The following NUP93 variants were observed in gnomAD, a reference collection of about 807,000 sequenced individuals.
NUP93 encodes the protein nuclear pore complex protein Nup93.
NUP93 carries 55 observed loss-of-function variants against 107.8 expected under a neutral mutation model. The observed-to-expected ratio is 0.51, with a 90% CI of 0.41 to 0.64. The LOEUF (loss-of-function observed/expected upper bound fraction) is 0.64, where lower values mean the gene tolerates loss of function less well. Among genes scored for constraint, NUP93 ranks in the 30% least tolerant of loss-of-function variants. The pLI is 0.00. For synonymous variants in NUP93, 390 were observed against 397.5 expected, an observed-to-expected ratio of 0.98 and a Z score of 0.22; for missense variants, 937 against 1,044.7, an observed-to-expected ratio of 0.90 and a Z score of 1.42.
rs556343801 is a variant in NUP93, at chr16:56,808,100, C to A, written c.489+2468C>A. On this transcript the variant is annotated intron_variant, in intron 5 of 21. Transcript: ENST00000308159. ...ATATAAAAATATATAAATATACACACACATATAAATATATATTATATAACT... is the reference window on the plus strand; with the variant it reads ...ATATAAAAATATATAAATATACACAAACATATAAATATATATTATATAACT... 1.8e-4 allele frequency among the ~76,000 whole-genome samples: 23 copies of A among 126,548 alleles called. 1 individual carries two copies. In the East Asian group the frequency reaches 4.8e-3, roughly 27 times the overall value. The allele number at this position is 126,548 out of a possible 152,430, so 83.0% of individuals were successfully genotyped here.
In NUP93 at chr16:56,760,771, G is replaced by A. The variant is rs141602168; in HGVS notation, c.297+2116G>A. 1.4e-4 allele frequency among the ~76,000 whole-genome samples: 22 copies of A among 152,186 alleles called. No homozygotes were observed. The South Asian group carries it at 4.4e-3, about 30-fold the overall frequency. On this transcript the variant is annotated intron_variant, in intron 3 of 21. Coordinates refer to ENST00000308159, the MANE Select transcript of NUP93 (RefSeq NM_014669.5). The stretch of plus-strand genomic sequence containing the variant: ...TGGCAGAGACATGTATTCAAACTAC[G>A]TTACTCTGTCTCTACAAAGATAAAA...
intron 1 of NUP93, among the ~76,000 whole-genome samples, chr16:56,739,692 C>T: frequency 7.3e-6 from 1 of 136,320 alleles, no homozygotes; most frequent in African/African-American, 2.9e-5. Context: ...CCACCTCCCT[C>T]CCGGACGGGG....
intron 1 of NUP93, among the ~76,000 whole-genome samples, chr16:56,737,996 CT>C (rs1337577698): frequency 2.0e-5 from 3 of 152,248 alleles, no homozygotes; most frequent in African/African-American, 7.2e-5. Context: ...TGATCTGCCC[CT>C]GTTTATGCTA....
intron 5 of NUP93, among the ~76,000 whole-genome samples, chr16:56,808,739 A>AC (rs1489759433): frequency 7.0e-6 from 1 of 142,096 alleles, no homozygotes; most frequent in Non-Finnish European, 1.5e-5. Flanking sequence ...ACATATATAA[A>AC]ATACATATAT....
chr16:56,843,023 G>A (rs1326476234), intron 21 of NUP93, among the ~76,000 whole-genome samples: 1 of 152,190 alleles, frequency 6.6e-6, no homozygotes, highest in Non-Finnish European at 1.5e-5. Context: ...TGACCCCACA[G>A]GCATGGTTGT....
rs149714368 is a variant in NUP93, at chr16:56,830,544, G to C, written c.944G>C (p.Gly315Ala). The C allele has an allele frequency of 1.4e-5, 23 of 1,589,228 alleles. No homozygotes were observed. The highest frequency in any genetic ancestry group is 4.0e-5 in the African/African-American group (3 of 74,580). The stretch of plus-strand genomic sequence containing the variant: ...CTCTTTTAGGATGGAGAGGTGGAAG[G>C]CCATCCTGTGTGGGCGCTAATTTAC... ...LPGLQDGEVE[G>A]HPVWALIYYC... Residue 315 changes from glycine to alanine, a missense_variant, in exon 10 of 22, where the codon GGC becomes GCC. By Grantham distance (60) the Gly-to-Ala change is moderately conservative. Transcript: ENST00000308159.
intron 3 of NUP93, among the ~76,000 whole-genome samples, chr16:56,767,319 G>T (rs781435375): frequency 5.9e-5 from 9 of 152,220 alleles, no homozygotes; most frequent in Non-Finnish European, 1.2e-4. Flanking sequence ...GCAGGGCTGG[G>T]CGTGACACAG....
rs570905735 is a variant in NUP93, at chr16:56,795,116, C to CA, written c.298-3360_298-3359insA. On this transcript the variant is annotated intron_variant, in intron 3 of 21. Transcript: ENST00000308159. The stretch of plus-strand genomic sequence containing the variant: ...TGTGAGGCAGTGGTAATCCCCTCCC[C>CA]TCTCCCCCACTACCCCCAAACGTAG... Among the ~76,000 whole-genome samples, 303 of 151,952 alleles carry CA rather than the reference C, an allele frequency of 2.0e-3. 1 individual carries two copies. The highest frequency in any genetic ancestry group is 6.9e-3 in the African/African-American group (287 of 41,436).
intron 1 of NUP93, among the ~76,000 whole-genome samples, chr16:56,732,498 G>C (rs1008390156): frequency 1.3e-5 from 2 of 152,210 alleles, no homozygotes; most frequent in Non-Finnish European, 2.9e-5. Context: ...TTTGAATAGA[G>C]ACCTGCTTGA....
chr16:56,846,058 G>T lies in NUP93; in HGVS notation c.*1449G>T, dbSNP rs1453709827. Reference sequence around the variant, plus strand: ...TGCAGAGGCCTTGATTTAGCAAGTTGTGCCCTGCTTATATGTGCTGATTTA... The same window carrying T: ...TGCAGAGGCCTTGATTTAGCAAGTTTTGCCCTGCTTATATGTGCTGATTTA... On this transcript the variant is annotated 3_prime_UTR_variant, in exon 22 of 22. Transcript: ENST00000308159. 1 of 152,154 alleles carries T rather than the reference G, an allele frequency of 6.6e-6. No homozygotes were observed. Among genetic ancestry groups the T allele is most frequent in the Non-Finnish European group, 1.5e-5 (1 of 68,042 alleles). 9.4% of individuals were successfully genotyped at this position (152,154 alleles called of 1,614,324 possible). A position where few individuals can be genotyped will look rare whatever the true frequency, so the allele number is the denominator to read the frequency against.
chr16:56,815,871 G>GCTA (rs1395878272), intron 5 of NUP93, among the ~76,000 whole-genome samples: 1 of 141,380 alleles, frequency 7.1e-6, no homozygotes, highest in African/African-American at 2.9e-5. Flanking sequence ...TGCTACTGCT[G>GCTA]CTGCTGCTGC....
At chr16:56,808,210 TA>T (rs1472755694) in intron 5 of NUP93, among the ~76,000 whole-genome samples, 1 of 118,414 alleles carries the variant, frequency 8.4e-6, no homozygotes, top group African/African-American at 3.4e-5. Context: ...ATAAAATATA[TA>T]GTTATGTAAC....
At chr16:56,820,730 A>G (rs975693344) in intron 6 of NUP93, among the ~76,000 whole-genome samples, 44 of 152,298 alleles carry the variant, frequency 2.9e-4, no homozygotes, top group African/African-American at 1.0e-3. Context: ...CATCACTACT[A>G]TGGGAGAGCA....
At chr16:56,768,343 C>T (rs967641291) in intron 3 of NUP93, among the ~76,000 whole-genome samples, 4 of 151,324 alleles carry the variant, frequency 2.6e-5, no homozygotes, top group Non-Finnish European at 5.9e-5. Context: ...GTGGGTGGAT[C>T]ACCTGAGGTC....
At position 56,763,503 on chromosome 16, in the gene NUP93, G is replaced by T. The variant is rs372714047; in HGVS notation, c.297+4848G>T. 2.3e-4 allele frequency among the ~76,000 whole-genome samples: 34 copies of T among 150,236 alleles called. No homozygotes were observed. In the South Asian group the frequency reaches 3.2e-3, roughly 14 times the overall value. ...CTGCTTGTGTGTGTGTGTGTGGGTG[G>T]GTGTGTGTGTGTATGTGTGGGTGTG... is the stretch of plus-strand genomic sequence containing the variant. On this transcript the variant is annotated intron_variant, in intron 3 of 21. Coordinates refer to ENST00000308159, the MANE Select transcript of NUP93 (RefSeq NM_014669.5).
At chr16:56,758,991 T>A (rs1279649439) in intron 3 of NUP93, among the ~76,000 whole-genome samples, 1 of 152,242 alleles carries the variant, frequency 6.6e-6, no homozygotes. Context: ...TTGCTAGATC[T>A]CAAATAATTT....
At chr16:56,844,141 A>G (rs1964077567) in intron 21 of NUP93, among the ~76,000 whole-genome samples, 1 of 152,204 alleles carries the variant, frequency 6.6e-6, no homozygotes, top group Non-Finnish European at 1.5e-5. Flanking sequence ...GAAACCAGCC[A>G]GAGAGAGAGG....
At chr16:56,739,744 G>A (rs1961683463) in intron 1 of NUP93, among the ~76,000 whole-genome samples, 3 of 120,988 alleles carry the variant, frequency 2.5e-5, no homozygotes, top group East Asian at 3.2e-4. Flanking sequence ...CCTCCCTCCC[G>A]GACGGGGCGG....
chr16:56,834,736 C>T lies in NUP93; in HGVS notation c.1740C>T (p.Phe580=), dbSNP rs1219979273. The change falls in exon 16 of 22, where the codon TTC becomes TTT. Residue 580 remains phenylalanine (F), a splice_region_variant and synonymous_variant. Coordinates refer to ENST00000308159, the MANE Select transcript of NUP93 (RefSeq NM_014669.5). Reference sequence around the variant, plus strand: ...AGTAAACTTTTTTCCTTCCACAGTTCGATATGATTCTTGGGAAACTAGAGA... The same window carrying T: ...AGTAAACTTTTTTCCTTCCACAGTTTGATATGATTCTTGGGAAACTAGAGA... ...VSELVIESRE[F]DMILGKLEND... is the part of the protein sequence containing the mutation. The T allele has an allele frequency of 1.9e-6, 3 of 1,610,678 alleles. No homozygotes were observed. Among genetic ancestry groups the T allele is most frequent in the Non-Finnish European group, 1.7e-6 (2 of 1,177,692 alleles).
Sources: gnomAD v4.1 joint callset for allele counts (sites outside exome capture counted in the v4.1 genomes callset) on GRCh38, gnomAD v4.1.1 for gene constraint, MANE v1.5 for transcripts, NCBI Gene and HGNC (gene_info 2026-07-23, HGNC 2026-07-21) for gene names.